MYPN: variants seen among roughly 807,000 people sequenced by gnomAD.
MYPN encodes sarcomeric protein myopalladin, 145 kDa (MYOP).
Under a neutral mutation model 129.4 loss-of-function variants are expected in MYPN, and 63 were observed. That is an observed-to-expected ratio of 0.49 (90% CI 0.40 to 0.60). The LOEUF is 0.60. Among genes scored for constraint, MYPN ranks in the 20% least tolerant of loss-of-function variants. MYPN has a pLI of 0.00. For missense variants in MYPN, 1,596 were observed against 1,635.4 expected (o/e 0.98, Z 0.42); for synonymous variants, 629 against 600.9 (o/e 1.05, Z -0.68).
rs574084390 is a variant in MYPN at position 68,170,483 on chromosome 10, T to C, written c.1974-3583T>C. Among the ~76,000 whole-genome samples the C allele has an allele frequency of 5.9e-5, 9 of 152,324 alleles. 1 individual carries two copies. The South Asian group carries it at 1.4e-3, about 25-fold the overall frequency. Reference sequence around the variant, plus strand: ...CTACATGCCTACAACCTTTTCTTACTAGTTTTAACCTCATTAGTTTAACCT... The same window carrying C: ...CTACATGCCTACAACCTTTTCTTACCAGTTTTAACCTCATTAGTTTAACCT... On this transcript the variant is annotated intron_variant, in intron 10 of 19. Coordinates refer to ENST00000358913, the MANE Select transcript of MYPN (RefSeq NM_032578.4).
chr10:68,145,582 A>C, intron 4 of MYPN, 56 bp downstream of exon 4: 224 of 1,411,308 alleles, frequency 1.6e-4, no homozygotes, highest in Non-Finnish European at 2.1e-4. Context: ...TTAATAGCTC[A>C]AAGAGAATGA....
rs995788596 is a variant in MYPN at position 68,211,290 on chromosome 10, C to A, written c.*835C>A. On this transcript the variant is annotated 3_prime_UTR_variant, in exon 20 of 20. Coordinates refer to ENST00000358913, the MANE Select transcript of MYPN (RefSeq NM_032578.4). Reference sequence around the variant, plus strand: ...AACTACTAGCTTCAACTACCACTTACAAAATGTGCAAGAGTCATCATTTGC... The same window carrying A: ...AACTACTAGCTTCAACTACCACTTAAAAAATGTGCAAGAGTCATCATTTGC... 2.2e-6 allele frequency: 1 copy of A among 454,080 alleles called. No homozygotes were observed. The highest frequency in any genetic ancestry group is 4.4e-6 in the Non-Finnish European group (1 of 226,798). The allele number at this position is 454,080 out of a possible 1,614,324, so 28.1% of individuals were successfully genotyped here. A position where few individuals can be genotyped will look rare whatever the true frequency, so the allele number is the denominator to read the frequency against.
At chr10:68,191,224 T>TC (rs2043507002) in intron 13 of MYPN, among the ~76,000 whole-genome samples, 1 of 151,084 alleles carries the variant, frequency 6.6e-6, no homozygotes. Flanking sequence ...TTCTTTTTTT[T>TC]TTTTCTTTTT....
rs1060504954 is a variant in MYPN, at chr10:68,188,934, G to A, written c.2733G>A (p.Arg911=). The stretch of plus-strand genomic sequence containing the variant: ...ACAAAATTTCAAGCTTTGAGCAGAG[G>A]CTGATGAATGAAATAGAGTTTCGCT... The part of the protein sequence containing the change: ...QEYKISSFEQ[R]LMNEIEFRLE... Residue 911 remains arginine, a synonymous_variant, in exon 13 of 20, where the codon AGG becomes AGA. Transcript: ENST00000358913. The A allele has an allele frequency of 6.2e-7, 1 of 1,614,026 alleles. No homozygotes were observed. Among genetic ancestry groups the A allele is most frequent in the Non-Finnish European group, 8.5e-7 (1 of 1,180,004 alleles).
At chr10:68,136,727 T>A (rs1564655578) in intron 2 of MYPN, 1 of 1,535,360 alleles carries the variant, frequency 6.5e-7, no homozygotes, top group East Asian at 2.4e-5. Context: ...TCCACTCTCA[T>A]TTTGGTAAGG....
intron 2 of MYPN, among the ~76,000 whole-genome samples, chr10:68,131,681 A>G (rs1200388631): frequency 1.3e-5 from 2 of 152,158 alleles, no homozygotes; most frequent in Non-Finnish European, 2.9e-5. Context: ...GCCAGCCTTC[A>G]TAGGCGGTAT....
Position 68,189,060 on chromosome 10 carries a change from C to T in MYPN, c.2859C>T (p.His953=), listed in dbSNP as rs1262176841. Reference sequence around the variant, plus strand: ...CCATCTTTGACAAGAGACTCAAGCACTTCCGGGTCACAGAAGGCTCTCCAG... The same window carrying T: ...CCATCTTTGACAAGAGACTCAAGCATTTCCGGGTCACAGAAGGCTCTCCAG... ...IAPIFDKRLK[H]FRVTEGSPVT... The change falls in exon 13 of 20, where the codon CAC becomes CAT. Residue 953 remains histidine, a synonymous_variant. Transcript: ENST00000358913. The T allele has an allele frequency of 3.1e-6, 5 of 1,614,058 alleles. No individual in the cohort carries two copies. In the Admixed American group the frequency reaches 6.7e-5, roughly 22 times the overall value.
chr10:68,093,359 G>A (rs950996049), intron 1 of MYPN, among the ~76,000 whole-genome samples: 19 of 152,050 alleles, frequency 1.2e-4, no homozygotes, highest in African/African-American at 1.9e-4. Context: ...AAGGGGTCTC[G>A]ATCCAGACCC....
intron 2 of MYPN, among the ~76,000 whole-genome samples, chr10:68,133,258 T>G (rs1323876980): frequency 2.6e-5 from 4 of 151,916 alleles, no homozygotes; most frequent in Non-Finnish European, 1.5e-5. Context: ...CTCCTGACCT[T>G]ATGCAATCCA....
intron 7 of MYPN, among the ~76,000 whole-genome samples, chr10:68,159,086 G>A (rs1388585633): frequency 2.0e-5 from 3 of 152,114 alleles, no homozygotes; most frequent in Admixed American, 2.0e-4. Flanking sequence ...GAGAATTGCT[G>A]CTATAAATTT....
At chr10:68,182,319 ATAACATATATATAACAC>A (rs2043333280) in intron 12 of MYPN, among the ~76,000 whole-genome samples, 1 of 77,076 alleles carries the variant, frequency 1.3e-5, no homozygotes, top group South Asian at 3.8e-4. Context: ...ACACATATAT[ATAACATATATATAACAC>A]ACACATATAT....
At position 68,174,352 on chromosome 10, in the gene MYPN, A is replaced by G. The variant is rs201245117; in HGVS notation, c.2260A>G (p.Ile754Val). The G allele has an allele frequency of 6.2e-7, 1 of 1,614,096 alleles. No individual in the cohort carries two copies. The highest frequency in any genetic ancestry group is 8.5e-7 in the Non-Finnish European group (1 of 1,180,012). Residue 754 changes from isoleucine (I) to valine (V), a missense_variant, in exon 11 of 20, where the codon ATT (isoleucine) becomes GTT (valine). Coordinates refer to ENST00000358913, the MANE Select transcript of MYPN (RefSeq NM_032578.4). Reference sequence around the variant, plus strand: ...CACTTTGAGCAGCACTCCTCAAACTATTCAGAGGACAGTGAGCAAAGAAAG... The same window carrying G: ...CACTTTGAGCAGCACTCCTCAAACTGTTCAGAGGACAGTGAGCAAAGAAAG... ...VFTLSSTPQT[I>V]QRTVSKESLL... is the part of the protein sequence containing the mutation.
chr10:68,114,816 T>C (rs2042132343), intron 1 of MYPN, among the ~76,000 whole-genome samples: 1 of 152,256 alleles, frequency 6.6e-6, no homozygotes, highest in African/African-American at 2.4e-5. Flanking sequence ...TGATGTTTGA[T>C]GCCACATTAA....
intron 15 of MYPN, among the ~76,000 whole-genome samples, chr10:68,196,345 C>T (rs1052512537): frequency 6.6e-6 from 1 of 152,168 alleles, no homozygotes; most frequent in Non-Finnish European, 1.5e-5. Flanking sequence ...CTGAATCTTA[C>T]GGTGCCACGA....
At chr10:68,143,433 A>T (rs1238928305) in intron 3 of MYPN, among the ~76,000 whole-genome samples, 1 of 152,076 alleles carries the variant, frequency 6.6e-6, no homozygotes, top group East Asian at 1.9e-4. Context: ...AGGAGTGGGG[A>T]ATGAGCCACA....
At chr10:68,204,127 C>T (rs1359728897) in intron 18 of MYPN, among the ~76,000 whole-genome samples, 2 of 152,180 alleles carry the variant, frequency 1.3e-5, no homozygotes, top group African/African-American at 2.4e-5. Context: ...AACTGTTGCA[C>T]GTAGTCACAA....
intron 2 of MYPN, chr10:68,135,450 A>G: frequency 4.1e-6 from 4 of 976,306 alleles, no homozygotes; most frequent in Non-Finnish European, 4.9e-6. Context: ...ATTGTCCGAT[A>G]TATTCCAGTT....
At chr10:68,095,860 G>A (rs1270989553) in intron 1 of MYPN, among the ~76,000 whole-genome samples, 2 of 152,138 alleles carry the variant, frequency 1.3e-5, no homozygotes, top group Non-Finnish European at 2.9e-5. Flanking sequence ...GTACAACAAT[G>A]TGAGTGTACT....
intron 12 of MYPN, among the ~76,000 whole-genome samples, chr10:68,181,967 A>G (rs2043319802): frequency 6.6e-6 from 1 of 152,048 alleles, no homozygotes; most frequent in Non-Finnish European, 1.5e-5. Flanking sequence ...TCTCACAGAC[A>G]TTAATGGCTC....
Sources: allele counts gnomAD v4.1 joint callset (sites outside exome capture counted in the v4.1 genomes callset), GRCh38; gene constraint gnomAD v4.1.1; transcripts MANE v1.5; gene names NCBI Gene and HGNC (gene_info 2026-07-23, HGNC 2026-07-21).